The following CDH19 variants were observed in gnomAD, a reference collection of about 807,000 sequenced individuals.
CDH19 encodes the protein cadherin 19.
A neutral mutation model predicts 64.2 loss-of-function variants in CDH19; 67 were observed. The observed-to-expected ratio is 1.04, with a 90% CI of 0.86 to 1.28. The LOEUF is 1.28. Among genes scored for constraint, CDH19 ranks in the 50% most tolerant of loss-of-function variants. CDH19 has a pLI of 0.00. For synonymous variants in CDH19, 346 were observed against 319.3 expected, an observed-to-expected ratio of 1.08 and a Z score of -0.89; for missense variants, 1,030 against 929.0, an observed-to-expected ratio of 1.11 and a Z score of -1.41.
chr18:66,511,567 C>T lies in CDH19; in HGVS notation c.1576+1G>A. On this transcript the variant is annotated splice_donor_variant, in intron 10 of 11. Transcript: ENST00000262150. LOFTEE classifies it high-confidence loss of function. ...AACTCATTATGAGTGAATGACATTA[C>T]CTTGATTATCTATGATTGTAAAACT... 3 of 1,198,084 alleles carry T rather than the reference C, an allele frequency of 2.5e-6. No individual in the cohort carries two copies. Among genetic ancestry groups the T allele is most frequent in the Non-Finnish European group, 2.5e-6 (2 of 807,046 alleles). 74.2% of individuals were successfully genotyped at this position (1,198,084 alleles called of 1,614,324 possible).
intron 5 of CDH19, 66 bp from the exon 6 acceptor site, chr18:66,544,969 TTTTGTTTG>T (rs993565876): frequency 1.5e-5 from 18 of 1,225,560 alleles, no homozygotes; most frequent in East Asian, 2.5e-5. Flanking sequence ...AATTATAGTT[TTTTGTTTG>T]TTTGTTTGTT....
At chr18:66,561,044 C>A (rs988910622) in intron 3 of CDH19, among the ~76,000 whole-genome samples, 12 of 151,962 alleles carry the variant, frequency 7.9e-5, no homozygotes, top group Non-Finnish European at 1.8e-4. Context: ...TAATGAGTTT[C>A]TTAGTTTAAC....
At chr18:66,567,944 C>T (rs1200683462) in intron 3 of CDH19, among the ~76,000 whole-genome samples, 6 of 151,614 alleles carry the variant, frequency 4.0e-5, no homozygotes, top group Non-Finnish European at 7.4e-5. Context: ...TAAACACAGC[C>T]ACACACAGGT....
At chr18:66,522,491 C>A (rs1986040802) in intron 9 of CDH19, among the ~76,000 whole-genome samples, 1 of 152,034 alleles carries the variant, frequency 6.6e-6, no homozygotes, top group South Asian at 2.1e-4. Context: ...CTCAGGTGAT[C>A]CACCTGCCTT....
chr18:66,513,998 A>C (rs889210760), intron 9 of CDH19, among the ~76,000 whole-genome samples: 1 of 151,480 alleles, frequency 6.6e-6, no homozygotes. Flanking sequence ...ACTACAATTT[A>C]ATAAGAACTT....
chr18:66,570,008 A>T (rs1599024385), intron 2 of CDH19, among the ~76,000 whole-genome samples: 1 of 151,802 alleles, frequency 6.6e-6, no homozygotes, highest in East Asian at 1.9e-4. Flanking sequence ...AATGAAAAAT[A>T]ACATCCAGAT....
chr18:66,568,049 T>TATCTTGC (rs748247741), intron 3 of CDH19, among the ~76,000 whole-genome samples: 3 of 151,890 alleles, frequency 2.0e-5, no homozygotes, highest in Admixed American at 1.3e-4. Context: ...TTTTTATGCA[T>TATCTTGC]ATCTTGCAGG....
In CDH19 at chr18:66,568,527, C is replaced by G; in HGVS notation, c.379G>C (p.Ala127Pro). Residue 127 changes from alanine (A) to proline (P), a missense_variant, in exon 3 of 12, where the codon GCT (alanine) becomes CCT (proline). By Grantham distance (27) the Ala-to-Pro change is conservative. Transcript: ENST00000262150. ...ACAAACTCAGACTCAGGTTCCACAG[C>G]CCTTCCAGTAGCGATGTCTATTACC... is the stretch of plus-strand genomic sequence containing the variant. The part of the protein sequence containing the change: ...AQVIDIATGR[A>P]VEPESEFVIK... 1.9e-6 allele frequency: 3 copies of G among 1,612,368 alleles called. No homozygotes were observed. Among genetic ancestry groups the G allele is most frequent in the Non-Finnish European group, 1.7e-6 (2 of 1,178,940 alleles).
intron 3 of CDH19, 141 bp from the exon 4 acceptor site, chr18:66,554,665 A>C: frequency 1.7e-6 from 1 of 580,710 alleles, no homozygotes; most frequent in Non-Finnish European, 2.8e-6. Flanking sequence ...TAATTGTAAA[A>C]GTAATGTATT....
intron 3 of CDH19, among the ~76,000 whole-genome samples, chr18:66,565,057 C>T (rs895094206): frequency 2.6e-5 from 4 of 151,726 alleles, no homozygotes; most frequent in African/African-American, 9.7e-5. Flanking sequence ...TTTTTGTCCA[C>T]CCATGTACTC....
At chr18:66,513,258 G>A (rs1985579551) in intron 9 of CDH19, among the ~76,000 whole-genome samples, 1 of 151,496 alleles carries the variant, frequency 6.6e-6, no homozygotes, top group Admixed American at 6.6e-5. Flanking sequence ...GAAGACTGGA[G>A]ATATGCTGTA....
intron 8 of CDH19, among the ~76,000 whole-genome samples, chr18:66,534,389 G>A (rs1986576136): frequency 6.6e-6 from 1 of 151,880 alleles, no homozygotes; most frequent in African/African-American, 2.4e-5. Context: ...GTAAGGAAAA[G>A]AGAGATATCT....
chr18:66,554,433 C>T lies in CDH19; in HGVS notation c.582G>A (p.Gln194=), dbSNP rs1302886300. The T allele has an allele frequency of 6.2e-7, 1 of 1,611,576 alleles. No homozygotes were observed. The highest frequency in any genetic ancestry group is 2.2e-5 in the East Asian group (1 of 44,776). ...TTGTTGGTTCAACAGAAAAATATGG[C>T]TGGCCTTGAAGTAAGCTGTAGAGGA... ...ARLLYSLLQG[Q]PYFSVEPTTG... is the part of the protein sequence containing the mutation. Residue 194 remains glutamine, a synonymous_variant, in exon 4 of 12, where the codon CAG becomes CAA. Transcript: ENST00000262150.
chr18:66,568,373 C>T, intron 3 of CDH19, 43 bp downstream of exon 3: 1 of 1,463,884 alleles, frequency 6.8e-7, no homozygotes, highest in South Asian at 1.2e-5. Context: ...TTTAAACCTG[C>T]TTCATTGTTA....
chr18:66,524,469 C>CA (rs1986129953), intron 9 of CDH19, among the ~76,000 whole-genome samples: 1 of 149,026 alleles, frequency 6.7e-6, no homozygotes, highest in Non-Finnish European at 1.5e-5. Context: ...CCACAAAAAA[C>CA]AAGTATGTAG....
intron 5 of CDH19, among the ~76,000 whole-genome samples, chr18:66,550,138 A>T (rs1290587980): frequency 6.6e-6 from 1 of 152,108 alleles, no homozygotes; most frequent in Non-Finnish European, 1.5e-5. Flanking sequence ...TCCTAGCATG[A>T]TAATTACTTA....
intron 7 of CDH19, among the ~76,000 whole-genome samples, chr18:66,535,893 TTTATA>T (rs1309332150): frequency 1.4e-5 from 2 of 147,364 alleles, no homozygotes; most frequent in Non-Finnish European, 3.0e-5. Context: ...ATGTATTTAT[TTTATA>T]TTATATATTT....
At chr18:66,600,262 G>C (rs1989005408) in intron 1 of CDH19, among the ~76,000 whole-genome samples, 1 of 151,720 alleles carries the variant, frequency 6.6e-6, no homozygotes, top group South Asian at 2.1e-4. Flanking sequence ...GCTGTTGAAA[G>C]GGATGATGTT....
intron 7 of CDH19, among the ~76,000 whole-genome samples, chr18:66,543,570 A>C (rs1034729290): frequency 6.6e-6 from 1 of 152,102 alleles, no homozygotes; most frequent in African/African-American, 2.4e-5. Context: ...AGAAATATAG[A>C]TACAGATATA....
Sources: gnomAD v4.1 joint callset for allele counts (sites outside exome capture counted in the v4.1 genomes callset) on GRCh38, gnomAD v4.1.1 for gene constraint, MANE v1.5 for transcripts, NCBI Gene and HGNC (gene_info 2026-07-23, HGNC 2026-07-21) for gene names.